Variants in DRICH1 observed in about 807,000 individuals in gnomAD.
DRICH1 encodes aspartate rich 1.
In DRICH1, 38 loss-of-function variants were observed where a neutral mutation model predicts 39.5. The ratio of observed to expected loss-of-function variants is 0.96; its 90% confidence interval spans 0.74 to 1.26. The LOEUF is 1.26. DRICH1 is among the 50% of genes most tolerant of loss of function. DRICH1 has a pLI of 0.00. For synonymous variants in DRICH1, 84 were observed against 99.5 expected (o/e 0.84, Z 0.93); for missense variants, 279 against 270.4 (o/e 1.03, Z -0.22).
At chr22:23,611,821 G>A (rs111802579) in intron 11 of DRICH1, among the ~76,000 whole-genome samples, 269 of 152,202 alleles carry the variant, frequency 1.8e-3, no homozygotes, top group Middle Eastern at 3.4e-3. Flanking sequence ...GTGGTGAGGC[G>A]GGTGTAAACA....
intron 11 of DRICH1, among the ~76,000 whole-genome samples, chr22:23,612,359 CGGGA>C (rs1569087365): frequency 6.7e-6 from 1 of 148,446 alleles, no homozygotes; most frequent in Non-Finnish European, 1.5e-5. Flanking sequence ...CCCCACTACT[CGGGA>C]GGCTGAGGCA....
At position 23,608,944 on chromosome 22, in the gene DRICH1, T is replaced by C. The variant is rs547014912; in HGVS notation, c.686-176A>G. ...TCAGCCAGGGACAGAGGTGCCTCTG[T>C]TACAAGGGGAGGGCCAGGAACACAG... On this transcript the variant is annotated intron_variant, in intron 11 of 11. Transcript: ENST00000317749. Among the ~76,000 whole-genome samples the C allele has an allele frequency of 1.9e-3, 289 of 152,276 alleles. 1 individual carries two copies. Among genetic ancestry groups the C allele is most frequent in the African/African-American group, 6.7e-3 (277 of 41,558 alleles).
intron 4 of DRICH1, among the ~76,000 whole-genome samples, chr22:23,621,407 A>G: frequency 6.6e-6 from 1 of 151,958 alleles, no homozygotes; most frequent in East Asian, 1.9e-4. Flanking sequence ...AACAAAATGC[A>G]GTAAGACAAC....
At chr22:23,611,233 C>A (rs553004919) in intron 11 of DRICH1, among the ~76,000 whole-genome samples, 1 of 152,130 alleles carries the variant, frequency 6.6e-6, no homozygotes, top group Non-Finnish European at 1.5e-5. Flanking sequence ...CAGCTCTTGG[C>A]GTGTCTCCTG....
chr22:23,595,674 A>G, the DRICH1 span, among the ~76,000 whole-genome samples: 1 of 152,250 alleles, frequency 6.6e-6, no homozygotes, highest in Non-Finnish European at 1.5e-5. Flanking sequence ...TGGGGGTCAG[A>G]CCAACTCAGG....
At chr22:23,615,649 G>A (rs975526579) in intron 8 of DRICH1, among the ~76,000 whole-genome samples, 2 of 152,186 alleles carry the variant, frequency 1.3e-5, no homozygotes, top group African/African-American at 4.8e-5. Context: ...TGCAGAAATG[G>A]AAAACATAAT....
downstream of DRICH1, among the ~76,000 whole-genome samples, chr22:23,607,964 G>T (rs963227218): frequency 1.4e-4 from 21 of 152,238 alleles, no homozygotes; most frequent in African/African-American, 4.6e-4. Context: ...CTGCTGAGGT[G>T]GGGAAACCCA....
downstream of DRICH1, among the ~76,000 whole-genome samples, chr22:23,605,041 G>A (rs1479142406): frequency 6.6e-6 from 1 of 152,142 alleles, no homozygotes; most frequent in Non-Finnish European, 1.5e-5. Context: ...AGTTGGGCGG[G>A]TCGCCTCACC....
At position 23,619,375 on chromosome 22, in the gene DRICH1, T is replaced by C. The variant is rs1927571498; in HGVS notation, c.425A>G (p.Asp142Gly). ...ATCTACAGACTCACAAGAACTGCTA[T>C]CAAACCGGTAACAGCCACCTGCGGA... ...SRVQGGCYRFDSSSCSSEDNL... is the reference protein window; with the variant it reads ...SRVQGGCYRFGSSSCSSEDNL... Residue 142 changes from aspartate to glycine, a missense_variant, in exon 6 of 12, where the codon GAT becomes GGT. Coordinates refer to ENST00000317749, the MANE Select transcript of DRICH1 (RefSeq NM_016449.4). The C allele has an allele frequency of 1.3e-6, 1 of 780,720 alleles. No individual in the cohort carries two copies. Among genetic ancestry groups the C allele is most frequent in the East Asian group, 2.4e-5 (1 of 41,230 alleles). 48.4% of individuals were successfully genotyped at this position (780,720 alleles called of 1,614,324 possible). A position where few individuals can be genotyped will look rare whatever the true frequency, so the allele number is the denominator to read the frequency against.
chr22:23,610,440 C>G (rs9624230), intron 11 of DRICH1: 2 of 152,084 alleles, frequency 1.3e-5, no homozygotes, highest in African/African-American at 2.4e-5. Flanking sequence ...CTACCTCCCC[C>G]TCCAGGATGC....
chr22:23,601,146 GCACACACACACA>G, the DRICH1 span, among the ~76,000 whole-genome samples: 2 of 146,142 alleles, frequency 1.4e-5, no homozygotes, highest in Admixed American at 6.8e-5. Flanking sequence ...ACGCACGCGC[GCACACACACACA>G]CACACACACA....
the DRICH1 span, among the ~76,000 whole-genome samples, chr22:23,588,547 G>A: frequency 6.6e-6 from 1 of 152,216 alleles, no homozygotes; most frequent in African/African-American, 2.4e-5. Flanking sequence ...CCCTCTTCCT[G>A]AGAACAGAGA....
chr22:23,598,674 T>G, the DRICH1 span, among the ~76,000 whole-genome samples: 1 of 152,216 alleles, frequency 6.6e-6, no homozygotes, highest in African/African-American at 2.4e-5. Flanking sequence ...TAGCCCTGAC[T>G]CGGCCTTACT....
chr22:23,614,347 C>T, intron 8 of DRICH1, 133 bp from the exon 9 acceptor site: 3 of 665,848 alleles, frequency 4.5e-6, no homozygotes, highest in Non-Finnish European at 8.1e-6. Context: ...GGGCTATTCC[C>T]CTGAGTGGAA....
intron 1 of DRICH1, among the ~76,000 whole-genome samples, chr22:23,628,764 C>T (rs1407336264): frequency 6.6e-6 from 1 of 152,170 alleles, no homozygotes; most frequent in African/African-American, 2.4e-5. Context: ...TGACTTGTGT[C>T]CTGTCTGCTC....
chr22:23,608,672 G>T lies in DRICH1; in HGVS notation c.*92C>A. The T allele has an allele frequency of 7.9e-7, 1 of 1,259,854 alleles. No individual in the cohort carries two copies. Among genetic ancestry groups the T allele is most frequent in the Non-Finnish European group, 1.1e-6 (1 of 882,818 alleles). 78.0% of individuals were successfully genotyped at this position (1,259,854 alleles called of 1,614,324 possible). ...AGAGTTTTCCTCAGAATGTAGAGAG[G>T]ATTGAGACCTCCAGGGGCAAAGCTG... On this transcript the variant is annotated 3_prime_UTR_variant, in exon 12 of 12. Transcript: ENST00000317749.
intron 3 of DRICH1, among the ~76,000 whole-genome samples, chr22:23,623,323 T>TGCACCCAGGAGGCAGAGGTA (rs1927878383): frequency 6.6e-6 from 1 of 152,152 alleles, no homozygotes; most frequent in Admixed American, 6.5e-5. Flanking sequence ...AAAAATCACT[T>TGCACCCAGGAGGCAGAGGTA]GCACCCAGGA....
rs1191657369 is a variant in DRICH1 at position 23,615,501 on chromosome 22, G to A, written c.542-1287C>T. On this transcript the variant is annotated intron_variant, in intron 8 of 11. Coordinates refer to ENST00000317749, the MANE Select transcript of DRICH1 (RefSeq NM_016449.4). Reference sequence around the variant, plus strand: ...ATCAGCTGTCAACATGAAGATCCTCGGAAGTAAAGAAGGTACAAATAAGTG... The same window carrying A: ...ATCAGCTGTCAACATGAAGATCCTCAGAAGTAAAGAAGGTACAAATAAGTG... 6.6e-5 allele frequency among the ~76,000 whole-genome samples: 10 copies of A among 152,080 alleles called. No homozygotes were observed. The East Asian group carries it at 9.6e-4, about 15-fold the overall frequency.
chr22:23,596,243 G>T, the DRICH1 span, among the ~76,000 whole-genome samples: 10 of 152,058 alleles, frequency 6.6e-5, no homozygotes, highest in Admixed American at 2.6e-4. Context: ...AACCTCAGGG[G>T]TGCAGTTCAA....
Sources: allele counts gnomAD v4.1 joint callset (sites outside exome capture counted in the v4.1 genomes callset), GRCh38; gene constraint gnomAD v4.1.1; transcripts MANE v1.5; gene names NCBI Gene and HGNC (gene_info 2026-07-23, HGNC 2026-07-21).